The following TSPAN11 variants were observed in gnomAD, a reference collection of about 807,000 sequenced individuals.
The protein encoded by TSPAN11 is tetraspanin-11.
A neutral mutation model predicts 32.9 loss-of-function variants in TSPAN11; 29 were observed. The observed-to-expected ratio is 0.88, with a 90% CI of 0.66 to 1.20. The LOEUF is 1.20. Among genes scored for constraint, TSPAN11 ranks in the 50% most tolerant of loss-of-function variants. The pLI is 0.00. For synonymous variants in TSPAN11, 140 were observed against 141.3 expected, an observed-to-expected ratio of 0.99 and a Z score of 0.07; for missense variants, 283 against 329.1, an observed-to-expected ratio of 0.86 and a Z score of 1.08.
intron 5 of TSPAN11, among the ~76,000 whole-genome samples, chr12:30,979,940 G>T (rs1861916): frequency 0.51 from 77,421 of 152,088 alleles, 22,765 homozygotes; most frequent in Admixed American, 0.65. Context: ...CTGCCTTCCC[G>T]TTCTGGGGCC....
chr12:30,959,884 A>G lies in TSPAN11; in HGVS notation c.85-3942A>G, dbSNP rs548813691. On this transcript the variant is annotated intron_variant, in intron 2 of 7. Transcript: ENST00000546076. ...GACAGTAAGAGCACCGAGGCCATGC[A>G]AAAGAGTTTTTGGGCTTGGTGCCTG... Among the ~76,000 whole-genome samples, 17 of 151,736 alleles carry G rather than the reference A, an allele frequency of 1.1e-4. 1 individual carries two copies. The South Asian group carries it at 3.4e-3, about 30-fold the overall frequency.
chr12:30,944,828 T>G (rs1231176879), intron 1 of TSPAN11, among the ~76,000 whole-genome samples: 1 of 152,176 alleles, frequency 6.6e-6, no homozygotes, highest in African/African-American at 2.4e-5. Context: ...GAGTATGGGG[T>G]GCTCCCTGAG....
chr12:30,934,516 A>G (rs935586589), intron 1 of TSPAN11, among the ~76,000 whole-genome samples: 1 of 152,214 alleles, frequency 6.6e-6, no homozygotes, highest in African/African-American at 2.4e-5. Flanking sequence ...GTCCTGCTCT[A>G]TCTGCCTTAT....
chr12:30,960,193 G>A (rs908387521), intron 2 of TSPAN11, among the ~76,000 whole-genome samples: 1 of 151,894 alleles, frequency 6.6e-6, no homozygotes, highest in Middle Eastern at 3.2e-3. Flanking sequence ...GAGCACAGAT[G>A]ATGAGTGTGG....
At chr12:30,943,098 G>A (rs761005150) in intron 1 of TSPAN11, among the ~76,000 whole-genome samples, 7 of 152,136 alleles carry the variant, frequency 4.6e-5, no homozygotes, top group Non-Finnish European at 8.8e-5. Flanking sequence ...TTGCAGTGAC[G>A]GCCGTCATGG....
In TSPAN11 at chr12:30,964,024, G is replaced by A; in HGVS notation, c.276+7G>A. ...GAAGGGCTGCCTCTCCACGGTCAGT[G>A]CCCGCCCTGTGCTCTGCAGGGATGG... is the stretch of plus-strand genomic sequence containing the variant. On this transcript the variant is annotated splice_region_variant and intron_variant, in intron 3 of 7. Coordinates refer to ENST00000546076, the MANE Select transcript of TSPAN11 (RefSeq NM_001370302.1). 3.1e-6 allele frequency: 5 copies of A among 1,612,018 alleles called. No individual in the cohort carries two copies. The highest frequency in any genetic ancestry group is 4.2e-6 in the Non-Finnish European group (5 of 1,179,556).
intron 3 of TSPAN11, among the ~76,000 whole-genome samples, chr12:30,966,428 A>AGTG (rs1240229176): frequency 6.6e-6 from 1 of 152,232 alleles, no homozygotes. Context: ...TTTAAAATGC[A>AGTG]TGATACACAC....
At chr12:31,001,531 G>A (rs1344712111), downstream of TSPAN11, among the ~76,000 whole-genome samples, 1 of 152,218 alleles carries the variant, frequency 6.6e-6, no homozygotes, top group Admixed American at 6.5e-5. Context: ...TTCCTTGACT[G>A]TTGTCTAGGT....
At chr12:30,965,224 G>T (rs532860059) in intron 3 of TSPAN11, among the ~76,000 whole-genome samples, 1 of 152,332 alleles carries the variant, frequency 6.6e-6, no homozygotes, top group African/African-American at 2.4e-5. Context: ...CTCCTCTGCA[G>T]TGTCGGCAAG....
At chr12:30,980,026 G>A (rs1939056800) in intron 5 of TSPAN11, among the ~76,000 whole-genome samples, 1 of 152,190 alleles carries the variant, frequency 6.6e-6, no homozygotes, top group Non-Finnish European at 1.5e-5. Flanking sequence ...CTCCTCTCCA[G>A]GCTGCTTATA....
intron 7 of TSPAN11, among the ~76,000 whole-genome samples, chr12:30,989,557 G>A (rs1299691991): frequency 6.6e-6 from 1 of 152,094 alleles, no homozygotes; most frequent in Non-Finnish European, 1.5e-5. Context: ...TGGCAGAGGG[G>A]GATTTGAGGC....
intron 1 of TSPAN11, among the ~76,000 whole-genome samples, chr12:30,930,376 C>T (rs1033132519): frequency 6.6e-6 from 1 of 152,170 alleles, no homozygotes; most frequent in African/African-American, 2.4e-5. Flanking sequence ...CTAAGTGGCA[C>T]TCACCCAAGC....
At chr12:31,009,697 T>C in the TSPAN11 span, among the ~76,000 whole-genome samples, 1 of 151,808 alleles carries the variant, frequency 6.6e-6, no homozygotes, top group Non-Finnish European at 1.5e-5. Context: ...CAGAGAAAGG[T>C]GAGCCTCTCT....
the TSPAN11 span, among the ~76,000 whole-genome samples, chr12:31,003,527 C>A: frequency 1.3e-5 from 2 of 152,182 alleles, no homozygotes; most frequent in Admixed American, 6.5e-5. Flanking sequence ...ACAAGACTTT[C>A]AGGGAGGCCA....
intron 7 of TSPAN11, among the ~76,000 whole-genome samples, chr12:30,990,495 G>T (rs922387664): frequency 1.3e-5 from 2 of 152,238 alleles, no homozygotes; most frequent in Non-Finnish European, 2.9e-5. Flanking sequence ...CGTAAAGCTA[G>T]CGGGAGATGA....
intron 1 of TSPAN11, among the ~76,000 whole-genome samples, chr12:30,953,087 TG>T (rs1938412849): frequency 6.6e-6 from 1 of 152,090 alleles, no homozygotes; most frequent in Non-Finnish European, 1.5e-5. Context: ...AGTCCATCAG[TG>T]GGCATCAGAG....
intron 1 of TSPAN11, among the ~76,000 whole-genome samples, chr12:30,940,004 T>G (rs1938127734): frequency 6.6e-6 from 1 of 152,082 alleles, no homozygotes; most frequent in Non-Finnish European, 1.5e-5. Context: ...TTGTGGAGAG[T>G]GCAGAGAAAA....
downstream of TSPAN11, among the ~76,000 whole-genome samples, chr12:30,997,867 A>G (rs529791722): frequency 5.9e-5 from 9 of 152,078 alleles, no homozygotes; most frequent in South Asian, 2.1e-4. Flanking sequence ...ACATTGATCC[A>G]CCCGGGGAGG....
chr12:30,938,257 G>C (rs947684813), intron 1 of TSPAN11, among the ~76,000 whole-genome samples: 1 of 152,168 alleles, frequency 6.6e-6, no homozygotes, highest in Non-Finnish European at 1.5e-5. Context: ...AGATCAATGG[G>C]GGTCTTTTAT....
Sources: allele counts gnomAD v4.1 joint callset (sites outside exome capture counted in the v4.1 genomes callset), GRCh38; gene constraint gnomAD v4.1.1; transcripts MANE v1.5; gene names NCBI Gene and HGNC (gene_info 2026-07-23, HGNC 2026-07-21).